The following LHFPL2 variants were observed in gnomAD, a reference collection of about 807,000 sequenced individuals.
LHFPL2 encodes LHFPL tetraspan subfamily member 2.
LHFPL2 carries 7 observed loss-of-function variants against 17.5 expected under a neutral mutation model. That is an observed-to-expected ratio of 0.40 (90% CI 0.23 to 0.75). The LOEUF (loss-of-function observed/expected upper bound fraction) is 0.75. LHFPL2 is among the 30% of genes least tolerant of loss of function. The probability of loss-of-function intolerance (pLI) is 0.37; values close to 1 mark genes in which losing one functional copy is unlikely to be tolerated. For missense variants in LHFPL2, 241 were observed against 294.8 expected (o/e 0.82, Z 1.34); for synonymous variants, 134 against 116.2 (o/e 1.15, Z -0.99).
chr5:78,571,667 A>T lies in LHFPL2; in HGVS notation c.-244-6796T>A, dbSNP rs556701580. Among the ~76,000 whole-genome samples, 6 of 152,220 alleles carry T rather than the reference A, an allele frequency of 3.9e-5. No individual in the cohort carries two copies. In the South Asian group the frequency reaches 1.2e-3, roughly 32 times the overall value. The stretch of plus-strand genomic sequence containing the variant: ...GATATTCATACTCATCCCTTGCTTC[A>T]TTCAAATCTCCATGCAAATGTTATC... On this transcript the variant is annotated intron_variant, in intron 2 of 4. Transcript: ENST00000380345.
At chr5:78,521,371 A>C (rs1443797632) in intron 3 of LHFPL2, among the ~76,000 whole-genome samples, 1 of 152,256 alleles carries the variant, frequency 6.6e-6, no homozygotes, top group Non-Finnish European at 1.5e-5. Context: ...ATCTAATAAA[A>C]TGTCTTGTTT....
At chr5:78,608,665 G>A (rs1309207984) in intron 2 of LHFPL2, among the ~76,000 whole-genome samples, 1 of 152,152 alleles carries the variant, frequency 6.6e-6, no homozygotes, top group Non-Finnish European at 1.5e-5. Context: ...GGGCACGGTG[G>A]CTCACGCCTG....
At chr5:78,601,500 T>G (rs779126989) in intron 2 of LHFPL2, among the ~76,000 whole-genome samples, 1 of 152,134 alleles carries the variant, frequency 6.6e-6, no homozygotes, top group Non-Finnish European at 1.5e-5. Flanking sequence ...TTAGGCAGCC[T>G]CCCCCAAAAG....
intron 3 of LHFPL2, among the ~76,000 whole-genome samples, chr5:78,551,655 C>T (rs1756446068): frequency 6.6e-6 from 1 of 152,190 alleles, no homozygotes; most frequent in South Asian, 2.1e-4. Context: ...TTCTCCTGTC[C>T]TCCTATGTCT....
rs542238828 is a variant in LHFPL2, at chr5:78,504,785, C to T, written c.430+4999G>A. ...TCACCGCCACTGCCAGCGCCATTCC[C>T]ACGACCACACACCCTTCACCCCAGC... On this transcript the variant is annotated intron_variant, in intron 4 of 4. Coordinates refer to ENST00000380345, the MANE Select transcript of LHFPL2 (RefSeq NM_005779.3). Among the ~76,000 whole-genome samples, 20 of 152,326 alleles carry T rather than the reference C, an allele frequency of 1.3e-4. No individual in the cohort carries two copies. In the South Asian group the frequency reaches 3.7e-3, roughly 28 times the overall value.
At chr5:78,520,006 C>T (rs773585664) in intron 3 of LHFPL2, among the ~76,000 whole-genome samples, 20 of 151,228 alleles carry the variant, frequency 1.3e-4, no homozygotes, top group Admixed American at 2.6e-4. Context: ...GGGCAATAAA[C>T]GTCACCTCTC....
intron 3 of LHFPL2, among the ~76,000 whole-genome samples, chr5:78,559,933 T>C (rs1391808698): frequency 2.6e-5 from 4 of 152,252 alleles, no homozygotes; most frequent in Non-Finnish European, 5.9e-5. Flanking sequence ...GCTTAATTCC[T>C]AGACAGAGCT....
intron 2 of LHFPL2, among the ~76,000 whole-genome samples, chr5:78,586,841 G>T: frequency 6.6e-6 from 1 of 152,188 alleles, no homozygotes; most frequent in Non-Finnish European, 1.5e-5. Flanking sequence ...TTCTAGAAAG[G>T]AGCATTTCCA....
intron 3 of LHFPL2, among the ~76,000 whole-genome samples, chr5:78,514,070 T>C (rs997279760): frequency 1.3e-5 from 2 of 152,198 alleles, no homozygotes; most frequent in African/African-American, 4.8e-5. Context: ...GAGATCCTCA[T>C]GACAGAACCT....
intron 1 of LHFPL2, among the ~76,000 whole-genome samples, chr5:78,640,158 G>C (rs1745617930): frequency 6.6e-6 from 1 of 151,954 alleles, no homozygotes. Flanking sequence ...TCTCACTGCT[G>C]GTTAAGGTTC....
At chr5:78,498,549 TCAGA>T (rs1323183820) in intron 4 of LHFPL2, among the ~76,000 whole-genome samples, 3 of 152,190 alleles carry the variant, frequency 2.0e-5, no homozygotes, top group Non-Finnish European at 4.4e-5. Context: ...AGGCAAACTG[TCAGA>T]CAGTCTGAAG....
At chr5:78,505,472 G>A (rs550747915) in intron 4 of LHFPL2, among the ~76,000 whole-genome samples, 5 of 152,182 alleles carry the variant, frequency 3.3e-5, no homozygotes, top group Admixed American at 1.3e-4. Context: ...GGGAAGGGGA[G>A]GGGGAGGAAG....
chr5:78,500,103 T>C (rs1754729252), intron 4 of LHFPL2, among the ~76,000 whole-genome samples: 1 of 151,204 alleles, frequency 6.6e-6, no homozygotes, highest in Admixed American at 6.6e-5. Context: ...CCATTTGAAA[T>C]TACAGATCCA....
intron 3 of LHFPL2, among the ~76,000 whole-genome samples, chr5:78,559,610 T>C (rs1475451009): frequency 6.6e-6 from 1 of 152,258 alleles, no homozygotes; most frequent in Non-Finnish European, 1.5e-5. Flanking sequence ...TACTCTGATT[T>C]GTTTTGTTAA....
At chr5:78,634,659 G>C (rs1264144863) in intron 1 of LHFPL2, among the ~76,000 whole-genome samples, 1 of 152,174 alleles carries the variant, frequency 6.6e-6, no homozygotes, top group Non-Finnish European at 1.5e-5. Flanking sequence ...TAGCCATATG[G>C]ACTCACCTGG....
intron 1 of LHFPL2, among the ~76,000 whole-genome samples, chr5:78,639,500 C>T (rs1175298660): frequency 1.3e-5 from 2 of 152,074 alleles, no homozygotes; most frequent in Non-Finnish European, 1.5e-5. Flanking sequence ...GTAATTAAGT[C>T]GGTAATTATG....
intron 2 of LHFPL2, among the ~76,000 whole-genome samples, chr5:78,573,529 A>C (rs1757056115): frequency 6.6e-6 from 1 of 152,240 alleles, no homozygotes; most frequent in South Asian, 2.1e-4. Flanking sequence ...CCGCTGAAAC[A>C]GCAGGGAAGG....
chr5:78,489,004 G>A lies in LHFPL2; in HGVS notation c.580C>T (p.Leu194Phe), dbSNP rs1754346435. Residue 194 changes from leucine to phenylalanine, a missense_variant, in exon 5 of 5, where the codon CTC becomes TTC. Physicochemically the swap from Leu to Phe is conservative, Grantham distance 22. Transcript: ENST00000380345. ...GAGAAGACAGCACAGATGAAAGTGA[G>A]GACTGTGCCCCCAATGGCGGTATAA... ...AFYTAIGGTVLTFICAVFSAQ... is the reference protein window; with the variant it reads ...AFYTAIGGTVFTFICAVFSAQ... 6.2e-7 allele frequency: 1 copy of A among 1,614,212 alleles called. No individual in the cohort carries two copies. Among genetic ancestry groups the A allele is most frequent in the Non-Finnish European group, 8.5e-7 (1 of 1,180,030 alleles).
At chr5:78,493,931 G>A (rs1754526860) in intron 4 of LHFPL2, among the ~76,000 whole-genome samples, 1 of 152,218 alleles carries the variant, frequency 6.6e-6, no homozygotes, top group Non-Finnish European at 1.5e-5. Flanking sequence ...TACACTCAGG[G>A]ACTATCAGCT....
Sources: allele counts gnomAD v4.1 joint callset (sites outside exome capture counted in the v4.1 genomes callset), GRCh38; gene constraint gnomAD v4.1.1; transcripts MANE v1.5; gene names NCBI Gene and HGNC (gene_info 2026-07-23, HGNC 2026-07-21).